The following WDR70 variants were observed in gnomAD, a reference collection of about 807,000 sequenced individuals.
WDR70 encodes the protein WD repeat domain 70.
In WDR70, 53 loss-of-function variants were observed where a neutral mutation model predicts 88.6. That is an observed-to-expected ratio of 0.60 (90% CI 0.48 to 0.75). The LOEUF (loss-of-function observed/expected upper bound fraction) is 0.75, where lower values mean the gene tolerates loss of function less well. Among genes scored for constraint, WDR70 ranks in the 30% least tolerant of loss-of-function variants. The pLI, the probability that WDR70 is intolerant of heterozygous loss-of-function variation, is 0.00. For synonymous variants in WDR70, 280 were observed against 270.0 expected (o/e 1.04, Z -0.36); for missense variants, 610 against 823.2 (o/e 0.74, Z 3.17).
At chr5:37,622,025 G>A (rs1744519663) in intron 10 of WDR70, among the ~76,000 whole-genome samples, 1 of 152,146 alleles carries the variant, frequency 6.6e-6, no homozygotes, top group South Asian at 2.1e-4. Context: ...GTTTGTCAAA[G>A]ATCAGATGGT....
intron 7 of WDR70, among the ~76,000 whole-genome samples, chr5:37,449,307 C>T (rs556718309): frequency 6.6e-6 from 1 of 151,886 alleles, no homozygotes; most frequent in Non-Finnish European, 1.5e-5. Context: ...GCAGGATGCT[C>T]CAGGCCGGGC....
intron 7 of WDR70, among the ~76,000 whole-genome samples, chr5:37,470,367 A>T (rs191659819): frequency 6.6e-6 from 1 of 152,228 alleles, no homozygotes; most frequent in African/African-American, 2.4e-5. Flanking sequence ...AAAATATAAT[A>T]TTTAGAAAAT....
At chr5:37,544,818 A>C (rs1468311438) in intron 9 of WDR70, among the ~76,000 whole-genome samples, 1 of 152,208 alleles carries the variant, frequency 6.6e-6, no homozygotes. Flanking sequence ...TATATAGAGC[A>C]GATGTGGGTC....
At chr5:37,509,691 C>A (rs528298640) in intron 8 of WDR70, among the ~76,000 whole-genome samples, 2 of 152,004 alleles carry the variant, frequency 1.3e-5, no homozygotes, top group African/African-American at 4.8e-5. Context: ...TGTCGATCTT[C>A]GCATGACTCA....
intron 10 of WDR70, among the ~76,000 whole-genome samples, chr5:37,660,898 A>C (rs1878599): frequency 0.97 from 147,480 of 152,094 alleles, 71,681 homozygotes; most frequent in East Asian, 1. Flanking sequence ...AAAGAAGGCC[A>C]ACAAATTTAA....
intron 10 of WDR70, among the ~76,000 whole-genome samples, chr5:37,676,329 G>A (rs1288524319): frequency 2.0e-5 from 3 of 151,994 alleles, no homozygotes; most frequent in African/African-American, 7.3e-5. Flanking sequence ...CAAAGGGAAT[G>A]CTTCCAGTTT....
chr5:37,542,345 T>C (rs1225272584), intron 9 of WDR70, among the ~76,000 whole-genome samples: 2 of 151,568 alleles, frequency 1.3e-5, no homozygotes, highest in African/African-American at 4.9e-5. Flanking sequence ...AGTGGCGTGA[T>C]CTCGGCTCAC....
chr5:37,479,519 A>G (rs1581319798), intron 7 of WDR70: 1 of 191,698 alleles, frequency 5.2e-6, no homozygotes, highest in East Asian at 1.2e-4. Context: ...ACAGGTGCCC[A>G]TCACCATGCC....
intron 10 of WDR70, among the ~76,000 whole-genome samples, chr5:37,637,919 CAGG>C (rs1207592929): frequency 6.6e-6 from 1 of 152,140 alleles, no homozygotes; most frequent in Admixed American, 6.5e-5. Flanking sequence ...TTTGTGGCAG[CAGG>C]AGTAGTGGCA....
chr5:37,381,556 A>G (rs1441458682), intron 2 of WDR70, 46 bp from the exon 3 acceptor site: 2 of 1,575,874 alleles, frequency 1.3e-6, no homozygotes, highest in Non-Finnish European at 1.7e-6. Context: ...AAGTTTGGCC[A>G]ACTTACTGCA....
At chr5:37,732,414 C>A (rs1390131337) in intron 17 of WDR70, among the ~76,000 whole-genome samples, 1 of 151,834 alleles carries the variant, frequency 6.6e-6, no homozygotes, top group Non-Finnish European at 1.5e-5. Context: ...AAAACTATAC[C>A]CTCTTGAATG....
chr5:37,443,480 C>T (rs187815028), intron 7 of WDR70, 108 bp downstream of exon 7: 141 of 1,287,034 alleles, frequency 1.1e-4, no homozygotes, highest in Non-Finnish European at 1.0e-4. Flanking sequence ...TATCAAAATA[C>T]ATTACGTTTA....
At chr5:37,541,914 T>C (rs1407987408) in intron 9 of WDR70, among the ~76,000 whole-genome samples, 3 of 152,176 alleles carry the variant, frequency 2.0e-5, no homozygotes, top group African/African-American at 7.2e-5. Flanking sequence ...TATTAAAAAC[T>C]TTCACTGGCA....
At chr5:37,742,427 A>G (rs1249134406) in intron 17 of WDR70, among the ~76,000 whole-genome samples, 3 of 151,978 alleles carry the variant, frequency 2.0e-5, no homozygotes, top group African/African-American at 7.2e-5. Flanking sequence ...TTCTTTGCCC[A>G]TTTAAAAAAT....
Position 37,605,324 on chromosome 5 carries a change from A to G in WDR70, c.1092+86A>G, listed in dbSNP as rs529155491. ...CTTACAAAGACAAACGTGTTAAAGT[A>G]TTATGAAGGTGAATTTCCTGAATTT... is the stretch of plus-strand genomic sequence containing the variant. On this transcript the variant is annotated intron_variant, in intron 10 of 17. Coordinates refer to ENST00000265107, the MANE Select transcript of WDR70 (RefSeq NM_018034.4). 4.3e-6 allele frequency: 6 copies of G among 1,381,884 alleles called. No homozygotes were observed. The African/African-American group carries it at 8.8e-5, about 20-fold the overall frequency. The allele number at this position is 1,381,884 out of a possible 1,614,324, so 85.6% of individuals were successfully genotyped here. A position where few individuals can be genotyped will look rare whatever the true frequency, so the allele number is the denominator to read the frequency against.
intron 8 of WDR70, among the ~76,000 whole-genome samples, chr5:37,481,544 C>T (rs1381863394): frequency 6.6e-6 from 1 of 151,996 alleles, no homozygotes; most frequent in Non-Finnish European, 1.5e-5. Flanking sequence ...GCGGGAGCAG[C>T]TGGGATGTAG....
intron 17 of WDR70, among the ~76,000 whole-genome samples, chr5:37,742,893 A>G (rs1363451893): frequency 3.9e-5 from 6 of 152,236 alleles, no homozygotes; most frequent in Non-Finnish European, 8.8e-5. Context: ...CATTGGGAAA[A>G]TTGCCAGGAA....
chr5:37,386,387 G>A (rs1324097265), intron 3 of WDR70, among the ~76,000 whole-genome samples: 1 of 152,018 alleles, frequency 6.6e-6, no homozygotes, highest in African/African-American at 2.4e-5. Flanking sequence ...GAGGGCAATG[G>A]TGCAATCTAG....
chr5:37,405,992 A>G (rs542116263), intron 5 of WDR70, among the ~76,000 whole-genome samples: 3 of 152,276 alleles, frequency 2.0e-5, no homozygotes, highest in African/African-American at 7.2e-5. Context: ...GCAGTGAGCC[A>G]TGGTTGCATC....
Sources: gnomAD v4.1 joint callset for allele counts (sites outside exome capture counted in the v4.1 genomes callset) on GRCh38, gnomAD v4.1.1 for gene constraint, MANE v1.5 for transcripts, NCBI Gene and HGNC (gene_info 2026-07-23, HGNC 2026-07-21) for gene names.